The following HDAC3 variants were observed in gnomAD, a reference collection of about 807,000 sequenced individuals.
The protein encoded by HDAC3 is SMAP45.
A neutral mutation model predicts 62.3 loss-of-function variants in HDAC3; 21 were observed. The ratio of observed to expected loss-of-function variants is 0.34; its 90% CI spans 0.24 to 0.49. HDAC3 has a LOEUF of 0.49. Among genes scored for constraint, HDAC3 ranks in the 20% least tolerant of loss-of-function variants. HDAC3 has a pLI of 0.99. For synonymous variants in HDAC3, 198 were observed against 206.5 expected (o/e 0.96, Z 0.35); for missense variants, 270 against 556.9 (o/e 0.48, Z 5.19).
intron 3 of HDAC3, among the ~76,000 whole-genome samples, chr5:141,633,825 C>CAAA (rs11291105): frequency 5.3e-4 from 39 of 73,908 alleles, no homozygotes; most frequent in East Asian, 1.4e-3. Flanking sequence ...GACTCTGTCT[C>CAAA]AAAAAAAAAA....
At position 141,634,894 on chromosome 5, in the gene HDAC3, G is replaced by A; in HGVS notation, c.198C>T (p.Tyr66=). ...HDMCRFHSED[Y]IDFLQRVSPT... ...GGCTGACTCTCTGCAGGAAGTCAATGTAGTCCTCGGAGTGGAAGCGGCACA... is the reference window on the plus strand; with the variant it reads ...GGCTGACTCTCTGCAGGAAGTCAATATAGTCCTCGGAGTGGAAGCGGCACA... Residue 66 remains tyrosine, a synonymous_variant, in exon 3 of 15, where the codon TAC becomes TAT. Coordinates refer to ENST00000305264, the MANE Select transcript of HDAC3 (RefSeq NM_003883.4). 1 of 1,614,132 alleles carries A rather than the reference G, an allele frequency of 6.2e-7. No homozygotes were observed. The highest frequency in any genetic ancestry group is 8.5e-7 in the Non-Finnish European group (1 of 1,180,008).
At position 141,628,289 on chromosome 5, in the gene HDAC3, G is replaced by A; in HGVS notation, c.692-102C>T. 3.1e-6 allele frequency: 3 copies of A among 983,270 alleles called. No individual in the cohort carries two copies. The highest frequency in any genetic ancestry group is 4.8e-6 in the Non-Finnish European group (3 of 628,412). 60.9% of individuals were successfully genotyped at this position (983,270 alleles called of 1,614,324 possible). Reference sequence around the variant, plus strand: ...GAGCGAGCATGTAGCCCAGGAAAGGGGCCACCCAAAAGAATCAAATCACTG... The same window carrying A: ...GAGCGAGCATGTAGCCCAGGAAAGGAGCCACCCAAAAGAATCAAATCACTG... On this transcript the variant is annotated intron_variant, in intron 8 of 14. Coordinates refer to ENST00000305264, the MANE Select transcript of HDAC3 (RefSeq NM_003883.4). The surrounding 1 kb of genome is among the most constrained non-coding windows in gnomAD (Gnocchi z 4.7).
Position 141,626,132 on chromosome 5 carries a change from A to T in HDAC3, c.921-61T>A. On this transcript the variant is annotated intron_variant, in intron 11 of 14. Transcript: ENST00000305264. This position sits in a 1 kb window ranked among gnomAD's most constrained non-coding sequence, Gnocchi z 4.6. Reference sequence around the variant, plus strand: ...AGTGGGCTGAAGGACCCATGTGGCCATATCTGAGGGACACCCTAGCTCACA... The same window carrying T: ...AGTGGGCTGAAGGACCCATGTGGCCTTATCTGAGGGACACCCTAGCTCACA... 6.2e-7 allele frequency: 1 copy of T among 1,602,476 alleles called. No individual in the cohort carries two copies. Among genetic ancestry groups the T allele is most frequent in the Non-Finnish European group, 8.6e-7 (1 of 1,169,380 alleles).
Position 141,629,288 on chromosome 5 carries a change from G to C in HDAC3, c.495C>G (p.Leu165=). 5 of 1,614,188 alleles carry C rather than the reference G, an allele frequency of 3.1e-6. No individual in the cohort carries two copies. The highest frequency in any genetic ancestry group is 1.1e-5 in the South Asian group (1 of 91,086). The part of the protein sequence containing the change: ...LELLKYHPRV[L]YIDIDIHHGD... ...CATGGTGGATGTCAATGTCAATGTA[G>C]AGCACCCGAGGGTGGTACCTAGAGG... The change falls in exon 7 of 15, where the codon CTC becomes CTG. Residue 165 remains leucine (L), a synonymous_variant. Transcript: ENST00000305264. The surrounding 1 kb of genome is among the most constrained non-coding windows in gnomAD (Gnocchi z 5.3).
At position 141,629,835 on chromosome 5, in the gene HDAC3, TC is replaced by T; in HGVS notation, c.420+24del. The T allele has an allele frequency of 6.2e-7, 1 of 1,613,736 alleles. No individual in the cohort carries two copies. Among genetic ancestry groups the T allele is most frequent in the South Asian group, 1.1e-5 (1 of 91,068 alleles). ...AACACCTACCCTAGGATGGCCACTG[TC>T]TTTCCCATCACCTCCTCACTCACCT... On this transcript the variant is annotated intron_variant, in intron 5 of 14. Transcript: ENST00000305264. This position sits in a 1 kb window ranked among gnomAD's most constrained non-coding sequence, Gnocchi z 5.3.
At position 141,625,421 on chromosome 5, in the gene HDAC3, G is replaced by C. The variant is rs2099904302; in HGVS notation, c.1060-56C>G. 1 of 1,585,840 alleles carries C rather than the reference G, an allele frequency of 6.3e-7. No individual in the cohort carries two copies. The highest frequency in any genetic ancestry group is 8.7e-7 in the Non-Finnish European group (1 of 1,155,886). On this transcript the variant is annotated intron_variant, in intron 13 of 14. Coordinates refer to ENST00000305264, the MANE Select transcript of HDAC3 (RefSeq NM_003883.4). The surrounding 1 kb of genome is among the most constrained non-coding windows in gnomAD (Gnocchi z 4.0). ...AGTTTCCAGAGATTCCCAGGACATG[G>C]AATCTCCTAGCTGCCTTTTACCCCT...
At chr5:141,631,273 C>T (rs907696868) in intron 3 of HDAC3, among the ~76,000 whole-genome samples, 13 of 152,164 alleles carry the variant, frequency 8.5e-5, no homozygotes, top group African/African-American at 2.2e-4. Flanking sequence ...CTGCAGCCTC[C>T]GCCTCCCGGG....
In HDAC3 at chr5:141,636,492, C is replaced by A. The variant is rs957452393; in HGVS notation, c.138+56G>T. 40 of 1,518,290 alleles carry A rather than the reference C, an allele frequency of 2.6e-5. No homozygotes were observed. The African/African-American group carries it at 4.5e-4, about 17-fold the overall frequency. The allele number at this position is 1,518,290 out of a possible 1,614,324, so 94.1% of individuals were successfully genotyped here. On this transcript the variant is annotated intron_variant, in intron 2 of 14. Coordinates refer to ENST00000305264, the MANE Select transcript of HDAC3 (RefSeq NM_003883.4). ...ATGCACTCAGTCCAGCCCACCTATC[C>A]CTACGGCCACAGCTCGCCCCACCCC...
intron 2 of HDAC3, 62 bp downstream of exon 2, chr5:141,636,486 C>T (rs2154598115): frequency 6.7e-7 from 1 of 1,486,086 alleles, no homozygotes. Flanking sequence ...GTCCAGCCCA[C>T]CTATCCCTAC....
Position 141,629,586 on chromosome 5 carries a change from TA to T in HDAC3, c.476+97del. ...AAAGCATCAAGAACTTGGGAGAAGC[TA>T]ATCAGGGAGGAGGGAGGTCAAGGTC... On this transcript the variant is annotated intron_variant, in intron 6 of 14. Transcript: ENST00000305264. This position sits in a 1 kb window ranked among gnomAD's most constrained non-coding sequence, Gnocchi z 5.3. The T allele has an allele frequency of 8.2e-7, 1 of 1,214,750 alleles. No individual in the cohort carries two copies. Among genetic ancestry groups the T allele is most frequent in the Non-Finnish European group, 1.2e-6 (1 of 839,694 alleles). 75.2% of individuals were successfully genotyped at this position (1,214,750 alleles called of 1,614,324 possible).
At position 141,629,049 on chromosome 5, in the gene HDAC3, G is replaced by A. The variant is rs2099904854; in HGVS notation, c.610+124C>T. Reference sequence around the variant, plus strand: ...GGGGAAGGAGGTGATTATGATAACTGGAGTGGTAAGGAAAGGCTTCTCTGA... The same window carrying A: ...GGGGAAGGAGGTGATTATGATAACTAGAGTGGTAAGGAAAGGCTTCTCTGA... On this transcript the variant is annotated intron_variant, in intron 7 of 14. Transcript: ENST00000305264. This position sits in a 1 kb window ranked among gnomAD's most constrained non-coding sequence, Gnocchi z 5.3. 1.6e-5 allele frequency: 14 copies of A among 892,078 alleles called. No individual in the cohort carries two copies. Among genetic ancestry groups the A allele is most frequent in the Non-Finnish European group, 2.4e-5 (14 of 575,454 alleles). 55.3% of individuals were successfully genotyped at this position (892,078 alleles called of 1,614,324 possible). A position where few individuals can be genotyped will look rare whatever the true frequency, so the allele number is the denominator to read the frequency against.
rs1322737438 is a variant in HDAC3, at chr5:141,629,809, A to T, written c.420+51T>A. ...CCCAGCTGCCCCCCACCATCATCCT[A>T]AACACCTACCCTAGGATGGCCACTG... On this transcript the variant is annotated intron_variant, in intron 5 of 14. Transcript: ENST00000305264. The surrounding 1 kb of genome is among the most constrained non-coding windows in gnomAD (Gnocchi z 5.3). The T allele has an allele frequency of 2.5e-6, 4 of 1,612,368 alleles. No individual in the cohort carries two copies. Among genetic ancestry groups the T allele is most frequent in the Non-Finnish European group, 3.4e-6 (4 of 1,178,502 alleles).
At chr5:141,624,883 A>G (rs1044502334) in intron 14 of HDAC3, 1 of 223,648 alleles carries the variant, frequency 4.5e-6, no homozygotes, top group Admixed American at 5.4e-5. Flanking sequence ...GTGTTTGTTT[A>G]TATGTACATA....
chr5:141,629,952 C>T lies in HDAC3; in HGVS notation c.364-36G>A, dbSNP rs2154597916. 6.2e-7 allele frequency: 1 copy of T among 1,613,348 alleles called. No individual in the cohort carries two copies. Among genetic ancestry groups the T allele is most frequent in the Middle Eastern group, 1.6e-4 (1 of 6,062 alleles). Reference sequence around the variant, plus strand: ...AACACCTAAGTCACAGTCCTTCCTGCCCACCCCTCAAGCTGGGAGCCCAGG... The same window carrying T: ...AACACCTAAGTCACAGTCCTTCCTGTCCACCCCTCAAGCTGGGAGCCCAGG... On this transcript the variant is annotated intron_variant, in intron 4 of 14. Coordinates refer to ENST00000305264, the MANE Select transcript of HDAC3 (RefSeq NM_003883.4). The surrounding 1 kb of genome is among the most constrained non-coding windows in gnomAD (Gnocchi z 5.3).
At position 141,629,405 on chromosome 5, in the gene HDAC3, C is replaced by G. The variant is rs1350515851; in HGVS notation, c.477-99G>C. ...CGAATTGTGAAGAGTCTGCTTCTGCCCTGGTCACCTGAAACTTAATGTCAC... is the reference window on the plus strand; with the variant it reads ...CGAATTGTGAAGAGTCTGCTTCTGCGCTGGTCACCTGAAACTTAATGTCAC... On this transcript the variant is annotated intron_variant, in intron 6 of 14. Transcript: ENST00000305264. The surrounding 1 kb of genome is among the most constrained non-coding windows in gnomAD (Gnocchi z 5.3). 1 of 1,520,368 alleles carries G rather than the reference C, an allele frequency of 6.6e-7. No individual in the cohort carries two copies. Among genetic ancestry groups the G allele is most frequent in the Non-Finnish European group, 9.0e-7 (1 of 1,109,344 alleles). 94.2% of individuals were successfully genotyped at this position (1,520,368 alleles called of 1,614,324 possible). A position where few individuals can be genotyped will look rare whatever the true frequency, so the allele number is the denominator to read the frequency against.
chr5:141,636,443 T>TA (rs1562374945), intron 2 of HDAC3, 105 bp downstream of exon 2: 1 of 978,492 alleles, frequency 1.0e-6, no homozygotes, highest in African/African-American at 1.6e-5. Context: ...AGCTCCCCGA[T>TA]ACTCTAGGGG....
intron 3 of HDAC3, 75 bp from the exon 4 acceptor site, chr5:141,630,200 G>T: frequency 7.4e-7 from 1 of 1,350,006 alleles, no homozygotes; most frequent in Non-Finnish European, 1.1e-6. Flanking sequence ...CCCCATCCTA[G>T]ATTCCTCCAA....
At chr5:141,627,869 GAGA>G (rs746465501) in intron 10 of HDAC3, 21 bp downstream of exon 10, 21 of 1,612,762 alleles carry the variant, frequency 1.3e-5, no homozygotes, top group South Asian at 6.6e-5. Context: ...AAACCTTGGG[GAGA>G]AGAAGGAGAG....
rs925349235 is a variant in HDAC3, at chr5:141,628,868, C to A, written c.611-229G>T. Among the ~76,000 whole-genome samples the A allele has an allele frequency of 2.6e-5, 4 of 152,182 alleles. No homozygotes were observed. The highest frequency in any genetic ancestry group is 9.7e-5 in the African/African-American group (4 of 41,446). ...AGTAGGGATGCAGCAACGAATGGAA[C>A]TAATGAAATTTACGATATCCCACCA... On this transcript the variant is annotated intron_variant, in intron 7 of 14. Coordinates refer to ENST00000305264, the MANE Select transcript of HDAC3 (RefSeq NM_003883.4). The surrounding 1 kb of genome is among the most constrained non-coding windows in gnomAD (Gnocchi z 4.7).
Sources: gnomAD v4.1 joint callset for allele counts (sites outside exome capture counted in the v4.1 genomes callset) on GRCh38, gnomAD v4.1.1 for gene constraint, Gnocchi (gnomAD v3.1) non-coding constraint, MANE v1.5 for transcripts, NCBI Gene and HGNC (gene_info 2026-07-23, HGNC 2026-07-21) for gene names.